The following KCND3 variants were observed in gnomAD, a reference collection of about 807,000 sequenced individuals.
The protein encoded by KCND3 is potassium voltage-gated channel subfamily D member 3, also known as A-type voltage-gated potassium channel KCND3.
A neutral mutation model predicts 51.1 loss-of-function variants in KCND3; 9 were observed. That is an observed-to-expected ratio of 0.18 (90% confidence interval 0.11 to 0.31). KCND3 has a LOEUF of 0.31. KCND3 is among the 10% of genes least tolerant of loss of function. The probability of loss-of-function intolerance (pLI) is 1.00; values close to 1 mark genes in which losing one functional copy is unlikely to be tolerated. For missense variants in KCND3, 526 were observed against 903.8 expected (o/e 0.58, Z 5.36); for synonymous variants, 349 against 368.0 (o/e 0.95, Z 0.59).
intron 2 of KCND3, among the ~76,000 whole-genome samples, chr1:111,885,583 A>T (rs1669531210): frequency 6.6e-6 from 1 of 152,148 alleles, no homozygotes; most frequent in African/African-American, 2.4e-5. Flanking sequence ...TAAGAACAAC[A>T]TTGTCATTAC....
intron 2 of KCND3, among the ~76,000 whole-genome samples, chr1:111,938,331 T>C (rs959492639): frequency 2.0e-5 from 3 of 152,246 alleles, no homozygotes; most frequent in East Asian, 1.9e-4. Context: ...CCAGACACTA[T>C]TGTAGTTCAT....
intron 2 of KCND3, among the ~76,000 whole-genome samples, chr1:111,955,060 C>T (rs960999578): frequency 1.3e-5 from 2 of 152,200 alleles, no homozygotes; most frequent in Non-Finnish European, 2.9e-5. Flanking sequence ...TTTGCACATA[C>T]TCTTTCCTCT....
At chr1:111,819,344 C>T (rs1348539514) in intron 2 of KCND3, among the ~76,000 whole-genome samples, 1 of 150,600 alleles carries the variant, frequency 6.6e-6, no homozygotes, top group African/African-American at 2.4e-5. Flanking sequence ...AAGAAAGGTA[C>T]AGCATCACTG....
chr1:111,963,238 T>C (rs763856309), intron 2 of KCND3, among the ~76,000 whole-genome samples: 1 of 152,212 alleles, frequency 6.6e-6, no homozygotes, highest in Admixed American at 6.5e-5. Flanking sequence ...CAGGGGTAGA[T>C]TGTTATACAG....
intron 2 of KCND3, among the ~76,000 whole-genome samples, chr1:111,797,422 TC>T (rs538594559): frequency 4.3e-4 from 65 of 151,974 alleles, no homozygotes; most frequent in African/African-American, 1.2e-3. Flanking sequence ...GCCAGTACTT[TC>T]CCCCCCATCC....
chr1:111,879,506 G>A (rs1428460356), intron 2 of KCND3, among the ~76,000 whole-genome samples: 3 of 152,178 alleles, frequency 2.0e-5, no homozygotes, highest in Non-Finnish European at 4.4e-5. Flanking sequence ...TAAAGTCCAT[G>A]CTCAGAGCTC....
At chr1:111,808,700 G>A (rs1665694005) in intron 2 of KCND3, among the ~76,000 whole-genome samples, 1 of 152,192 alleles carries the variant, frequency 6.6e-6, no homozygotes, top group Non-Finnish European at 1.5e-5. Flanking sequence ...GCTCATTCTG[G>A]AAATTCTGAT....
At chr1:111,975,340 C>T (rs750693584) in intron 2 of KCND3, among the ~76,000 whole-genome samples, 1 of 152,142 alleles carries the variant, frequency 6.6e-6, no homozygotes, top group Non-Finnish European at 1.5e-5. Context: ...ATGCTTCTCC[C>T]AGGGGTAGAG....
chr1:111,795,440 G>A (rs2101527898), intron 2 of KCND3, among the ~76,000 whole-genome samples: 1 of 152,258 alleles, frequency 6.6e-6, no homozygotes, highest in East Asian at 1.9e-4. Flanking sequence ...CATAAGTATG[G>A]GCCATTTAAT....
chr1:111,802,669 A>G (rs1417174924), intron 2 of KCND3, among the ~76,000 whole-genome samples: 1 of 152,236 alleles, frequency 6.6e-6, no homozygotes, highest in African/African-American at 2.4e-5. Flanking sequence ...GGCCCGGTGC[A>G]GTACTAGGCA....
rs1671728294 is a variant in KCND3, at chr1:111,926,915, CTTTTTTCTT to C, written c.1106+54697_1106+54705del. Among the ~76,000 whole-genome samples the C allele has an allele frequency of 2.0e-5, 3 of 152,246 alleles. No homozygotes were observed. The South Asian group carries it at 6.2e-4, about 31-fold the overall frequency. On this transcript the variant is annotated intron_variant, in intron 2 of 7. Transcript: ENST00000302127. Reference sequence around the variant, plus strand: ...ATGCCTGGTCTCTTCCCCTTCTGTCCTTTTTTCTTTTTTTTCTAAACATGCATCTCCTTT... The same window carrying C: ...ATGCCTGGTCTCTTCCCCTTCTGTCCTTTTTTCTAAACATGCATCTCCTTT...
intron 2 of KCND3, among the ~76,000 whole-genome samples, chr1:111,905,573 T>C (rs779945116): frequency 6.6e-6 from 1 of 152,148 alleles, no homozygotes; most frequent in African/African-American, 2.4e-5. Context: ...AATGCAGATT[T>C]GTGGGTCTCG....
intron 2 of KCND3, among the ~76,000 whole-genome samples, chr1:111,792,093 A>G (rs1369089551): frequency 3.3e-5 from 5 of 152,228 alleles, no homozygotes; most frequent in Non-Finnish European, 7.3e-5. Context: ...TGTCTAGAGA[A>G]GGGAGGCTGG....
chr1:111,860,596 AG>A (rs1170724370), intron 2 of KCND3, among the ~76,000 whole-genome samples: 1 of 152,078 alleles, frequency 6.6e-6, no homozygotes, highest in African/African-American at 2.4e-5. Context: ...CACACTTCCA[AG>A]CTCCCTCTCA....
At chr1:111,976,930 A>G (rs1674665501) in intron 2 of KCND3, among the ~76,000 whole-genome samples, 1 of 152,226 alleles carries the variant, frequency 6.6e-6, no homozygotes, top group Non-Finnish European at 1.5e-5. Flanking sequence ...GGAAGCACTC[A>G]ATAAGTGTTG....
chr1:111,836,220 C>T (rs1349759690), intron 2 of KCND3, among the ~76,000 whole-genome samples: 1 of 152,212 alleles, frequency 6.6e-6, no homozygotes, highest in Non-Finnish European at 1.5e-5. Flanking sequence ...GTCATGGGTA[C>T]TGTCTCTGCC....
At chr1:111,793,656 C>T (rs367932578) in intron 2 of KCND3, among the ~76,000 whole-genome samples, 4 of 152,124 alleles carry the variant, frequency 2.6e-5, no homozygotes, top group Non-Finnish European at 4.4e-5. Flanking sequence ...GTGTAATGAC[C>T]GTGGTGTGCA....
chr1:111,771,622 A>C lies in KCND3; in HGVS notation c.*4455T>G, dbSNP rs1427528516. On this transcript the variant is annotated 3_prime_UTR_variant, in exon 8 of 8. Transcript: ENST00000302127. ...TTAAGTACATAATGTCCCAATGTACATTTTCCTTGTCTACAATCTAATAAG... is the reference window on the plus strand; with the variant it reads ...TTAAGTACATAATGTCCCAATGTACCTTTTCCTTGTCTACAATCTAATAAG... 1.3e-5 allele frequency: 2 copies of C among 152,208 alleles called. No homozygotes were observed. The highest frequency in any genetic ancestry group is 2.9e-5 in the Non-Finnish European group (2 of 68,032). The allele number at this position is 152,208 out of a possible 1,614,324, so 9.4% of individuals were successfully genotyped here.
chr1:111,804,546 C>T (rs1448359046), intron 2 of KCND3, among the ~76,000 whole-genome samples: 2 of 152,228 alleles, frequency 1.3e-5, no homozygotes, highest in Non-Finnish European at 2.9e-5. Context: ...GCTTCCTCAG[C>T]AGCCCTGCCT....
Sources: gnomAD v4.1 joint callset for allele counts (sites outside exome capture counted in the v4.1 genomes callset) on GRCh38, gnomAD v4.1.1 for gene constraint, MANE v1.5 for transcripts, NCBI Gene and HGNC (gene_info 2026-07-23, HGNC 2026-07-21) for gene names.